The following WIPF1 variants were observed in gnomAD, a reference collection of about 807,000 sequenced individuals.
WIPF1 encodes the protein WAS/WASL-interacting protein family member 1.
WIPF1 carries 13 observed loss-of-function variants against 35.4 expected under a neutral mutation model. The observed-to-expected ratio is 0.37, with a 90% CI of 0.24 to 0.58. WIPF1 has a LOEUF of 0.58. Among genes scored for constraint, WIPF1 ranks in the 20% least tolerant of loss-of-function variants. WIPF1 has a pLI of 0.74. For synonymous variants in WIPF1, 267 were observed against 266.3 expected, an observed-to-expected ratio of 1.00 and a Z score of -0.02; for missense variants, 591 against 667.0, an observed-to-expected ratio of 0.89 and a Z score of 1.25.
At chr2:174,573,965 T>C (rs1275849341) in intron 4 of WIPF1, among the ~76,000 whole-genome samples, 3 of 151,282 alleles carry the variant, frequency 2.0e-5, no homozygotes, top group Non-Finnish European at 4.4e-5. Flanking sequence ...TCACGGCTCA[T>C]TGCAGCTTCA....
intron 1 of WIPF1, among the ~76,000 whole-genome samples, chr2:174,681,609 G>GCC (rs765543556): frequency 2.2e-4 from 33 of 152,218 alleles, no homozygotes; most frequent in Admixed American, 7.8e-4. Flanking sequence ...AACCCACCCA[G>GCC]CGTGGAATCT....
At chr2:174,667,973 G>T (rs992683507) in intron 1 of WIPF1, among the ~76,000 whole-genome samples, 4 of 152,034 alleles carry the variant, frequency 2.6e-5, no homozygotes, top group South Asian at 2.1e-4. Context: ...AGAAGGCAGG[G>T]GCTGTGCAGT....
chr2:174,573,640 A>G (rs1684946539), intron 4 of WIPF1, among the ~76,000 whole-genome samples: 1 of 152,178 alleles, frequency 6.6e-6, no homozygotes, highest in Admixed American at 6.5e-5. Context: ...CACTTTGGGC[A>G]GGGTTGGCCA....
chr2:174,628,967 A>T (rs1686930814), intron 1 of WIPF1, among the ~76,000 whole-genome samples: 1 of 152,256 alleles, frequency 6.6e-6, no homozygotes, highest in Non-Finnish European at 1.5e-5. Flanking sequence ...TGTTCCTGGC[A>T]CTGAAGTAGA....
At chr2:174,587,991 T>G (rs561100102) in intron 1 of WIPF1, among the ~76,000 whole-genome samples, 1 of 152,196 alleles carries the variant, frequency 6.6e-6, no homozygotes. Context: ...TAGTCACCCA[T>G]AGGGCCACAT....
In WIPF1 at chr2:174,559,824, C is replaced by G. The variant is rs542488807; in HGVS notation, c.*2723G>C. ...CATTTCTGCTACTAAAATAACAAAA[C>G]TGGTATTACACTTTAAAATATAAAG... On this transcript the variant is annotated 3_prime_UTR_variant, in exon 8 of 8. Coordinates refer to ENST00000679041, the MANE Select transcript of WIPF1 (RefSeq NM_001375834.1). 6.5e-6 allele frequency: 1 copy of G among 152,676 alleles called. No homozygotes were observed. The highest frequency in any genetic ancestry group is 2.4e-5 in the African/African-American group (1 of 41,560). 9.5% of individuals were successfully genotyped at this position (152,676 alleles called of 1,614,324 possible). A position where few individuals can be genotyped will look rare whatever the true frequency, so the allele number is the denominator to read the frequency against.
rs999578037 is a variant in WIPF1, at chr2:174,562,423, C to A, written c.*124G>T. Reference sequence around the variant, plus strand: ...CACCCACACACGCATATTCCCACTCCCCCTCCCACCTTTCCTCCTGCCCAT... The same window carrying A: ...CACCCACACACGCATATTCCCACTCACCCTCCCACCTTTCCTCCTGCCCAT... On this transcript the variant is annotated 3_prime_UTR_variant, in exon 8 of 8. Coordinates refer to ENST00000679041, the MANE Select transcript of WIPF1 (RefSeq NM_001375834.1). 14 of 1,549,580 alleles carry A rather than the reference C, an allele frequency of 9.0e-6. No homozygotes were observed. The highest frequency in any genetic ancestry group is 1.2e-5 in the Non-Finnish European group (14 of 1,145,642).
At chr2:174,627,460 CCTTTCT>C (rs1686879173) in intron 1 of WIPF1, among the ~76,000 whole-genome samples, 3 of 150,350 alleles carry the variant, frequency 2.0e-5, no homozygotes, top group Admixed American at 2.0e-4. Flanking sequence ...TTTCTTTCTT[CCTTTCT>C]CTTTCTTTCT....
intron 1 of WIPF1, among the ~76,000 whole-genome samples, chr2:174,610,801 C>T (rs1181738127): frequency 6.6e-6 from 1 of 152,138 alleles, no homozygotes; most frequent in Non-Finnish European, 1.5e-5. Flanking sequence ...CTCCTGACCA[C>T]GGCTCCTCTC....
rs549981254 is a variant in WIPF1 at position 174,640,840 on chromosome 2, A to G, written c.-39+41934T>C. On this transcript the variant is annotated intron_variant, in intron 1 of 8. Transcript: ENST00000272746. The stretch of plus-strand genomic sequence containing the variant: ...TAAAATGGCCAACCTACCCAAAGCA[A>G]TCTACAGATTTAATGCAATCCCTAT... Among the ~76,000 whole-genome samples, 15 of 152,282 alleles carry G rather than the reference A, an allele frequency of 9.9e-5. 1 individual carries two copies. Among genetic ancestry groups the G allele is most frequent in the African/African-American group, 3.6e-4 (15 of 41,566 alleles).
chr2:174,603,752 G>T (rs973248575), intron 1 of WIPF1, among the ~76,000 whole-genome samples: 1 of 152,140 alleles, frequency 6.6e-6, no homozygotes, highest in Non-Finnish European at 1.5e-5. Context: ...ATAATTTGGA[G>T]ACTTGCAGGT....
chr2:174,659,590 A>T (rs1687714709), intron 1 of WIPF1, among the ~76,000 whole-genome samples: 1 of 152,110 alleles, frequency 6.6e-6, no homozygotes, highest in African/African-American at 2.4e-5. Context: ...TTGACAGAGG[A>T]TCATAGTTTC....
At chr2:174,614,202 A>G (rs1474086441) in intron 1 of WIPF1, among the ~76,000 whole-genome samples, 2 of 152,216 alleles carry the variant, frequency 1.3e-5, no homozygotes, top group Non-Finnish European at 2.9e-5. Flanking sequence ...TTTCACCTGG[A>G]GAGAGCCATT....
Position 174,561,844 on chromosome 2 carries a change from C to T in WIPF1, c.*703G>A, listed in dbSNP as rs375685093. ...TGTGACTAGTCTGAATGGAGATGTG[C>T]GGTAAGTGTAAAATACACTCTGGAT... On this transcript the variant is annotated 3_prime_UTR_variant, in exon 8 of 8. Coordinates refer to ENST00000679041, the MANE Select transcript of WIPF1 (RefSeq NM_001375834.1). 244 of 479,368 alleles carry T rather than the reference C, an allele frequency of 5.1e-4. 1 individual carries two copies. Among genetic ancestry groups the T allele is most frequent in the African/African-American group, 3.8e-3 (199 of 51,876 alleles). 29.7% of individuals were successfully genotyped at this position (479,368 alleles called of 1,614,324 possible).
intron 1 of WIPF1, among the ~76,000 whole-genome samples, chr2:174,659,957 T>C (rs1051709234): frequency 6.6e-6 from 1 of 152,184 alleles, no homozygotes; most frequent in Non-Finnish European, 1.5e-5. Context: ...AGCGTAATTA[T>C]TAATAGTGCG....
chr2:174,586,870 T>A (rs1387996026), intron 1 of WIPF1, among the ~76,000 whole-genome samples: 1 of 152,174 alleles, frequency 6.6e-6, no homozygotes, highest in African/African-American at 2.4e-5. Context: ...GGGTGATTCA[T>A]ACGCACTAAA....
chr2:174,569,627 C>T (rs11687799), intron 5 of WIPF1, among the ~76,000 whole-genome samples: 113,896 of 152,168 alleles, frequency 0.75, 44,635 homozygotes, highest in East Asian at 0.91. Flanking sequence ...ATTTCTATTT[C>T]CCACTGGCAG....
intron 3 of WIPF1, 58 bp downstream of exon 3, chr2:174,581,252 G>A: frequency 1.3e-6 from 2 of 1,599,772 alleles, no homozygotes; most frequent in Non-Finnish European, 8.5e-7. Context: ...TGAGGGTAGG[G>A]TTGATTATTA....
At chr2:174,604,234 T>G (rs1454326373) in intron 1 of WIPF1, among the ~76,000 whole-genome samples, 1 of 152,318 alleles carries the variant, frequency 6.6e-6, no homozygotes, top group East Asian at 1.9e-4. Flanking sequence ...AAGAATCTTT[T>G]GATGAGATCA....
Sources: allele counts gnomAD v4.1 joint callset (sites outside exome capture counted in the v4.1 genomes callset), GRCh38; gene constraint gnomAD v4.1.1; transcripts MANE v1.5; gene names NCBI Gene and HGNC (gene_info 2026-07-23, HGNC 2026-07-21).